Variants in ZNF707 observed in about 807,000 individuals in gnomAD.
ZNF707 encodes the protein zinc finger protein 707.
ZNF707 carries 8 observed loss-of-function variants against 13.3 expected under a neutral mutation model. That is an observed-to-expected ratio of 0.60 (90% confidence interval 0.35 to 1.09). ZNF707 has a LOEUF of 1.09. Among genes scored for constraint, ZNF707 ranks in the 50% least tolerant of loss-of-function variants. ZNF707 has a pLI of 0.02. For synonymous variants in ZNF707, 225 were observed against 205.6 expected (o/e 1.09, Z -0.81); for missense variants, 530 against 512.6 (o/e 1.03, Z -0.33).
rs782633094 is a variant in ZNF707, at chr8:143,691,654, C to G, written c.197C>G (p.Pro66Arg). 3 of 1,609,198 alleles carry G rather than the reference C, an allele frequency of 1.9e-6. No individual in the cohort carries two copies. The highest frequency in any genetic ancestry group is 2.5e-6 in the Non-Finnish European group (3 of 1,178,276). Residue 66 changes from proline (P) to arginine (R), a missense_variant, in exon 5 of 6, where the codon CCG becomes CGG. Pro to Arg is a moderately radical substitution (Grantham distance 103). Coordinates refer to ENST00000358656, the MANE Select transcript of ZNF707 (RefSeq NM_001100598.2). ...TCTCGCCTGGAACAGTGGGAGGAGC[C>G]GTGGGTTGAAGACCGGGAGAGACCT... is the stretch of plus-strand genomic sequence containing the variant. ...LVSRLEQWEE[P>R]WVEDRERPEF...
rs1587393019 is a variant in ZNF707, at chr8:143,691,897, C to A, written c.256+184C>A. ...GCAGCCACGCTCCTGCCCTGATGGA[C>A]ACTGGCCGGGGGTGGGGCTCGAAAG... On this transcript the variant is annotated intron_variant, in intron 5 of 5. Transcript: ENST00000358656. 16 of 1,022,208 alleles carry A rather than the reference C, an allele frequency of 1.6e-5. No homozygotes were observed. In the East Asian group the frequency reaches 3.6e-4, roughly 23 times the overall value. The allele number at this position is 1,022,208 out of a possible 1,614,324, so 63.3% of individuals were successfully genotyped here.
intron 2 of ZNF707, among the ~76,000 whole-genome samples, 190 bp downstream of exon 2, chr8:143,689,491 C>T (rs782365565): frequency 2.7e-4 from 41 of 152,212 alleles, no homozygotes; most frequent in African/African-American, 9.4e-4. Flanking sequence ...TGGATCTCAG[C>T]GGGCTGGGGC....
chr8:143,692,283 G>A (rs367580644), intron 5 of ZNF707: 3 of 1,289,764 alleles, frequency 2.3e-6, no homozygotes, highest in African/African-American at 1.5e-5. Context: ...AGCCCTGGGA[G>A]GTCCCCGGGT....
Position 143,693,572 on chromosome 8 carries a change from G to A in ZNF707, c.257-99G>A. 1 of 1,385,352 alleles carries A rather than the reference G, an allele frequency of 7.2e-7. No homozygotes were observed. The allele number at this position is 1,385,352 out of a possible 1,614,324, so 85.8% of individuals were successfully genotyped here. ...GGCCTCCCAAAGTGCTGGGATTACAGGCGTGAGCCACCGCGCCCGGCCTCC... is the reference window on the plus strand; with the variant it reads ...GGCCTCCCAAAGTGCTGGGATTACAAGCGTGAGCCACCGCGCCCGGCCTCC... On this transcript the variant is annotated intron_variant, in intron 5 of 5. Coordinates refer to ENST00000358656, the MANE Select transcript of ZNF707 (RefSeq NM_001100598.2). The surrounding 1 kb of genome is among the most constrained non-coding windows in gnomAD (Gnocchi z 4.1).
At chr8:143,691,290 T>G (rs1816790973) in intron 4 of ZNF707, 91 bp downstream of exon 4, 1 of 1,498,872 alleles carries the variant, frequency 6.7e-7, no homozygotes, top group African/African-American at 1.4e-5. Context: ...AGGACAGTAG[T>G]GGGGCCTCCC....
chr8:143,694,110 C>T lies in ZNF707; in HGVS notation c.696C>T (p.Phe232=), dbSNP rs1320822251. 6.2e-7 allele frequency: 1 copy of T among 1,604,022 alleles called. No individual in the cohort carries two copies. Among genetic ancestry groups the T allele is most frequent in the South Asian group, 1.1e-5 (1 of 90,116 alleles). Residue 232 remains phenylalanine (F), a synonymous_variant, in exon 6 of 6, where the codon TTC becomes TTT. Transcript: ENST00000358656. The surrounding 1 kb of genome is among the most constrained non-coding windows in gnomAD (Gnocchi z 4.4). ...HQKNHTREKP[F]CCEACGQAFS... ...AGAACCACACGCGCGAGAAGCCCTT[C>T]TGCTGCGAGGCCTGCGGGCAGGCGT...
At position 143,694,754 on chromosome 8, in the gene ZNF707, C is replaced by T. The variant is rs750449242; in HGVS notation, c.*224C>T. 2.4e-4 allele frequency: 128 copies of T among 538,470 alleles called. 1 individual carries two copies. The highest frequency in any genetic ancestry group is 5.0e-4 in the Middle Eastern group (1 of 2,010). 33.4% of individuals were successfully genotyped at this position (538,470 alleles called of 1,614,324 possible). Reference sequence around the variant, plus strand: ...GAGATGGCGGGGGCTCTGGAGATGGCGGGGGCTGCGCCCCGGCGCCGGGCA... The same window carrying T: ...GAGATGGCGGGGGCTCTGGAGATGGTGGGGGCTGCGCCCCGGCGCCGGGCA... On this transcript the variant is annotated 3_prime_UTR_variant, in exon 6 of 6. Coordinates refer to ENST00000358656, the MANE Select transcript of ZNF707 (RefSeq NM_001100598.2). This position sits in a 1 kb window ranked among gnomAD's most constrained non-coding sequence, Gnocchi z 4.4.
intron 1 of ZNF707, among the ~76,000 whole-genome samples, chr8:143,686,323 C>T (rs1816268944): frequency 6.6e-6 from 1 of 151,398 alleles, no homozygotes. Context: ...CCACCTGCCT[C>T]GGCCTCCCCA....
chr8:143,687,663 T>G (rs892017825), intron 1 of ZNF707, among the ~76,000 whole-genome samples: 5 of 151,966 alleles, frequency 3.3e-5, no homozygotes, highest in Non-Finnish European at 7.4e-5. Flanking sequence ...TCTTATGGCT[T>G]TATGTGTTTT....
chr8:143,691,020 C>T, intron 3 of ZNF707, 53 bp from the exon 4 acceptor site: 14 of 1,608,632 alleles, frequency 8.7e-6, no homozygotes, highest in Non-Finnish European at 1.2e-5. Flanking sequence ...GACCTGTGGG[C>T]TGAGCCTTCT....
intron 1 of ZNF707, among the ~76,000 whole-genome samples, chr8:143,686,315 A>G (rs1554611992): frequency 6.6e-6 from 1 of 151,682 alleles, no homozygotes; most frequent in African/African-American, 2.4e-5. Flanking sequence ...CAGGTGATCC[A>G]CCTGCCTCGG....
In ZNF707 at chr8:143,690,598, T is replaced by G. The variant is rs891126579; in HGVS notation, c.15+475T>G. 2.0e-5 allele frequency among the ~76,000 whole-genome samples: 3 copies of G among 152,086 alleles called. No individual in the cohort carries two copies. The East Asian group carries it at 5.8e-4, about 29-fold the overall frequency. ...AAAAAGAAAAGAAAATTGGATTCAT[T>G]GACACTAGGAGAGTAGTGGCTGTTG... On this transcript the variant is annotated intron_variant, in intron 3 of 5. Coordinates refer to ENST00000358656, the MANE Select transcript of ZNF707 (RefSeq NM_001100598.2).
intron 5 of ZNF707, among the ~76,000 whole-genome samples, chr8:143,692,936 G>A (rs2131536699): frequency 6.6e-6 from 1 of 152,226 alleles, no homozygotes; most frequent in East Asian, 1.9e-4. Context: ...GAGGCTGAGT[G>A]GTTGAGAATC....
intron 4 of ZNF707, 148 bp from the exon 5 acceptor site, chr8:143,691,452 T>C (rs1587390812): frequency 7.6e-6 from 8 of 1,054,200 alleles, no homozygotes; most frequent in African/African-American, 6.4e-5. Flanking sequence ...GGCCCCTCCC[T>C]TCCTGTCATC....
At chr8:143,686,318 T>C (rs1816267922) in intron 1 of ZNF707, among the ~76,000 whole-genome samples, 1 of 152,096 alleles carries the variant, frequency 6.6e-6, no homozygotes, top group African/African-American at 2.4e-5. Flanking sequence ...GTGATCCACC[T>C]GCCTCGGCCT....
At position 143,693,335 on chromosome 8, in the gene ZNF707, C is replaced by T. The variant is rs1554614146; in HGVS notation, c.257-336C>T. Among the ~76,000 whole-genome samples the T allele has an allele frequency of 1.3e-5, 2 of 150,864 alleles. No individual in the cohort carries two copies. Among genetic ancestry groups the T allele is most frequent in the Admixed American group, 1.3e-4 (2 of 15,184 alleles). The stretch of plus-strand genomic sequence containing the variant: ...TCGCTCTGTCGCCCAGGCTGGACTG[C>T]GGACTGCAGTGGCGCAATCTCGGCT... On this transcript the variant is annotated intron_variant, in intron 5 of 5. Transcript: ENST00000358656. This position sits in a 1 kb window ranked among gnomAD's most constrained non-coding sequence, Gnocchi z 4.1.
chr8:143,691,460 A>G, intron 4 of ZNF707, 140 bp from the exon 5 acceptor site: 1 of 1,068,022 alleles, frequency 9.4e-7, no homozygotes, highest in South Asian at 1.7e-5. Flanking sequence ...CCTTCCTGTC[A>G]TCTCTGCTTT....
Position 143,690,140 on chromosome 8 carries a change from C to T in ZNF707, c.15+17C>T. 6 of 1,604,034 alleles carry T rather than the reference C, an allele frequency of 3.7e-6. No homozygotes were observed. Among genetic ancestry groups the T allele is most frequent in the African/African-American group, 1.3e-5 (1 of 75,052 alleles). On this transcript the variant is annotated intron_variant, in intron 3 of 5. Coordinates refer to ENST00000358656, the MANE Select transcript of ZNF707 (RefSeq NM_001100598.2). The stretch of plus-strand genomic sequence containing the variant: ...ATGGCCCAGGTGAGCCCTGCTGCTG[C>T]CGAGCGCAGCCTCCCTTCTGCCCTG...
rs372424770 is a variant in ZNF707 at position 143,693,852 on chromosome 8, G to A, written c.438G>A (p.Thr146=). Residue 146 remains threonine (T), a synonymous_variant, in exon 6 of 6, where the codon ACG becomes ACA. Coordinates refer to ENST00000358656, the MANE Select transcript of ZNF707 (RefSeq NM_001100598.2). This position sits in a 1 kb window ranked among gnomAD's most constrained non-coding sequence, Gnocchi z 4.1. ...AAPERTDAKP[T]AFPCQVLTQR... is the part of the protein sequence containing the mutation. Reference sequence around the variant, plus strand: ...CAGAAAGGACAGACGCCAAGCCCACGGCTTTCCCGTGTCAGGTGCTCACGC... The same window carrying A: ...CAGAAAGGACAGACGCCAAGCCCACAGCTTTCCCGTGTCAGGTGCTCACGC... The A allele has an allele frequency of 8.7e-6, 14 of 1,611,044 alleles. No homozygotes were observed. Among genetic ancestry groups the A allele is most frequent in the Middle Eastern group, 1.6e-4 (1 of 6,074 alleles).
Sources: gnomAD v4.1 joint callset for allele counts (sites outside exome capture counted in the v4.1 genomes callset) on GRCh38, gnomAD v4.1.1 for gene constraint, Gnocchi (gnomAD v3.1) non-coding constraint, MANE v1.5 for transcripts, NCBI Gene and HGNC (gene_info 2026-07-23, HGNC 2026-07-21) for gene names.